The following ARMC9 variants were observed in gnomAD, a reference collection of about 807,000 sequenced individuals.
ARMC9 encodes lisH domain-containing protein ARMC9.
Under a neutral mutation model 107.0 loss-of-function variants are expected in ARMC9, and 94 were observed. That is an observed-to-expected ratio of 0.88 (90% CI 0.74 to 1.04). ARMC9 has a LOEUF of 1.04. Among genes scored for constraint, ARMC9 ranks in the 50% least tolerant of loss-of-function variants. The pLI is 0.00. For synonymous variants in ARMC9, 380 were observed against 396.9 expected, an observed-to-expected ratio of 0.96 and a Z score of 0.51; for missense variants, 942 against 1,030.1, an observed-to-expected ratio of 0.91 and a Z score of 1.17.
chr2:231,280,545 A>G (rs1215491439), intron 16 of ARMC9, among the ~76,000 whole-genome samples: 5 of 152,194 alleles, frequency 3.3e-5, no homozygotes, highest in Non-Finnish European at 5.9e-5. Flanking sequence ...ACATACATAT[A>G]TACTTTAGAG....
intron 19 of ARMC9, among the ~76,000 whole-genome samples, chr2:231,326,123 C>T (rs1418950007): frequency 1.3e-5 from 2 of 152,188 alleles, no homozygotes; most frequent in Non-Finnish European, 2.9e-5. Flanking sequence ...CAGCCTGTAC[C>T]TCCTCAGAAA....
intron 12 of ARMC9, among the ~76,000 whole-genome samples, chr2:231,265,112 G>T (rs1246343335): frequency 6.6e-6 from 1 of 151,732 alleles, no homozygotes; most frequent in Non-Finnish European, 1.5e-5. Context: ...AAAAAAAGAA[G>T]AAGAAATGAG....
intron 23 of ARMC9, among the ~76,000 whole-genome samples, chr2:231,361,609 C>T (rs2045589027): frequency 6.6e-6 from 1 of 152,006 alleles, no homozygotes; most frequent in African/African-American, 2.4e-5. Flanking sequence ...TTTCCAATCT[C>T]GCCAGCTCTT....
intron 20 of ARMC9, among the ~76,000 whole-genome samples, chr2:231,334,756 A>G (rs1354565404): frequency 1.3e-5 from 2 of 152,032 alleles, no homozygotes; most frequent in African/African-American, 4.8e-5. Flanking sequence ...TTGTGATCTG[A>G]CATTGCCAGC....
chr2:231,253,880 T>C (rs2037519384), intron 9 of ARMC9, among the ~76,000 whole-genome samples: 1 of 152,226 alleles, frequency 6.6e-6, no homozygotes, highest in South Asian at 2.1e-4. Context: ...GGTGTCAGGC[T>C]GTAGGGAGCT....
At chr2:231,335,595 A>G (rs1729083) in intron 20 of ARMC9, among the ~76,000 whole-genome samples, 151,305 of 152,310 alleles carry the variant, frequency 0.99, 75,157 homozygotes, top group Middle Eastern at 1. Flanking sequence ...TCATGCTTCC[A>G]AGGCTTGCGG....
intron 19 of ARMC9, among the ~76,000 whole-genome samples, chr2:231,312,723 C>T (rs1355725800): frequency 6.6e-6 from 1 of 151,228 alleles, no homozygotes; most frequent in Non-Finnish European, 1.5e-5. Flanking sequence ...CTATTTCAGT[C>T]TTATACTACC....
chr2:231,230,684 G>A (rs2035127714), intron 7 of ARMC9, among the ~76,000 whole-genome samples: 1 of 152,142 alleles, frequency 6.6e-6, no homozygotes, highest in Admixed American at 6.5e-5. Flanking sequence ...TATGTAAAAT[G>A]GCATGGTGTT....
rs368621475 is a variant in ARMC9 at position 231,209,091 on chromosome 2, G to A, written c.177+839G>A. On this transcript the variant is annotated intron_variant, in intron 3 of 24. Transcript: ENST00000611582. ...TAATTTTTGTATTTTTAGTAGAGAC[G>A]GGGTTTCACTACATTGGCCAGGCTA... is the stretch of plus-strand genomic sequence containing the variant. 3.3e-5 allele frequency among the ~76,000 whole-genome samples: 5 copies of A among 151,966 alleles called. No individual in the cohort carries two copies. The East Asian group carries it at 5.8e-4, about 18-fold the overall frequency.
chr2:231,269,398 CTTTTTTTTTT>C (rs773618086), intron 12 of ARMC9, among the ~76,000 whole-genome samples: 7 of 112,404 alleles, frequency 6.2e-5, no homozygotes, highest in Non-Finnish European at 1.1e-4. Flanking sequence ...TTTTCTTCTT[CTTTTTTTTTT>C]TTTTTTTTTT....
In ARMC9 at chr2:231,362,690, C is replaced by G. The variant is rs1472334058; in HGVS notation, c.2261+1807C>G. 2 of 152,698 alleles carry G rather than the reference C, an allele frequency of 1.3e-5. No individual in the cohort carries two copies. The highest frequency in any genetic ancestry group is 2.9e-5 in the Non-Finnish European group (2 of 67,980). The allele number at this position is 152,698 out of a possible 1,614,324, so 9.5% of individuals were successfully genotyped here. On this transcript the variant is annotated intron_variant, in intron 23 of 24. Coordinates refer to ENST00000611582, the MANE Select transcript of ARMC9 (RefSeq NM_001352754.2). This position sits in a 1 kb window ranked among gnomAD's most constrained non-coding sequence, Gnocchi z 4.7. ...AGTTGTTCCATCTTCCTCTTCCTCCCTCACTGGCAACGTCATCTAGAATAT... is the reference window on the plus strand; with the variant it reads ...AGTTGTTCCATCTTCCTCTTCCTCCGTCACTGGCAACGTCATCTAGAATAT...
chr2:231,367,702 G>C (rs2045871293), intron 23 of ARMC9, among the ~76,000 whole-genome samples: 1 of 152,128 alleles, frequency 6.6e-6, no homozygotes, highest in African/African-American at 2.4e-5. Flanking sequence ...AAGTTAACTG[G>C]CCGGGCGCGG....
chr2:231,209,098 C>T (rs55965730), intron 3 of ARMC9, among the ~76,000 whole-genome samples: 2,735 of 152,128 alleles, frequency 0.018, 89 homozygotes, highest in African/African-American at 0.064. Context: ...GACGGGGTTT[C>T]ACTACATTGG....
At chr2:231,340,810 C>T (rs555495409) in intron 20 of ARMC9, among the ~76,000 whole-genome samples, 35 of 152,142 alleles carry the variant, frequency 2.3e-4, no homozygotes, top group Non-Finnish European at 3.5e-4. Context: ...ATCGCTTGAA[C>T]CCGGGAGACG....
chr2:231,268,671 T>C (rs1332386335), intron 12 of ARMC9, among the ~76,000 whole-genome samples: 3 of 152,246 alleles, frequency 2.0e-5, no homozygotes, highest in Non-Finnish European at 4.4e-5. Flanking sequence ...AGAAATGTCT[T>C]CATTCTTCGT....
chr2:231,288,113 C>T (rs1483384356), intron 17 of ARMC9, among the ~76,000 whole-genome samples: 1 of 152,088 alleles, frequency 6.6e-6, no homozygotes, highest in East Asian at 1.9e-4. Flanking sequence ...ATTGAAGGAG[C>T]TCATAATATA....
chr2:231,232,208 T>C (rs891132053), intron 7 of ARMC9, among the ~76,000 whole-genome samples: 3 of 151,264 alleles, frequency 2.0e-5, no homozygotes, highest in African/African-American at 7.3e-5. Flanking sequence ...GTATTTTTTG[T>C]AGAGATGGGG....
At chr2:231,359,017 C>T (rs2045455054) in intron 22 of ARMC9, among the ~76,000 whole-genome samples, 2 of 152,014 alleles carry the variant, frequency 1.3e-5, no homozygotes, top group South Asian at 4.2e-4. Context: ...CCAGGAAGAC[C>T]CCGGTGCACA....
At chr2:231,259,972 G>T (rs1036079917) in intron 11 of ARMC9, among the ~76,000 whole-genome samples, 1 of 152,134 alleles carries the variant, frequency 6.6e-6, no homozygotes, top group African/African-American at 2.4e-5. Context: ...CTCCAGCCTC[G>T]GTGACAGAGT....
Sources: allele counts gnomAD v4.1 joint callset (sites outside exome capture counted in the v4.1 genomes callset), GRCh38; gene constraint gnomAD v4.1.1; non-coding constraint Gnocchi (gnomAD v3.1); transcripts MANE v1.5; gene names NCBI Gene and HGNC (gene_info 2026-07-23, HGNC 2026-07-21).